CCDC85C: variants seen among roughly 807,000 people sequenced by gnomAD.
The protein encoded by CCDC85C is coiled-coil domain containing 85C.
CCDC85C carries 18 observed loss-of-function variants against 38.3 expected under a neutral mutation model. The ratio of observed to expected loss-of-function variants is 0.47; its 90% CI spans 0.33 to 0.70. The LOEUF is 0.70. CCDC85C is among the 30% of genes least tolerant of loss of function. The probability of loss-of-function intolerance (pLI) is 0.03; values close to 1 mark genes in which losing one functional copy is unlikely to be tolerated. For missense variants in CCDC85C, 566 were observed against 621.2 expected, an observed-to-expected ratio of 0.91 and a Z score of 0.94; for synonymous variants, 264 against 293.8, an observed-to-expected ratio of 0.90 and a Z score of 1.04.
At position 99,507,312 on chromosome 14, in the gene CCDC85C, T is replaced by C; in HGVS notation, c.*7934A>G. ...TGTTCTTGGGCTGGGCACAATGGCT[T>C]GTGTTTTTGATCCCAGCACTTTGGG... On this transcript the variant is annotated 3_prime_UTR_variant, in exon 6 of 6. Transcript: ENST00000380243. The C allele has an allele frequency of 1.6e-6, 1 of 643,488 alleles. No homozygotes were observed. Among genetic ancestry groups the C allele is most frequent in the Non-Finnish European group, 2.8e-6 (1 of 356,652 alleles). The allele number at this position is 643,488 out of a possible 1,614,324, so 39.9% of individuals were successfully genotyped here.
At chr14:99,543,625 G>A (rs555858492) in intron 1 of CCDC85C, among the ~76,000 whole-genome samples, 9 of 152,284 alleles carry the variant, frequency 5.9e-5, no homozygotes, top group East Asian at 1.9e-4. Context: ...TGGGGAAGAC[G>A]AAAGGCACAT....
chr14:99,595,483 G>A (rs201880304), intron 1 of CCDC85C, among the ~76,000 whole-genome samples: 2 of 152,182 alleles, frequency 1.3e-5, no homozygotes, highest in East Asian at 3.9e-4. Flanking sequence ...CTGACCTCAG[G>A]TGATCCGCCC....
rs1304647708 is a variant in CCDC85C, at chr14:99,545,717, G to T, written c.794-9629C>A. Among the ~76,000 whole-genome samples, 1 of 152,124 alleles carries T rather than the reference G, an allele frequency of 6.6e-6. No individual in the cohort carries two copies. Among genetic ancestry groups the T allele is most frequent in the South Asian group, 2.1e-4 (1 of 4,832 alleles). On this transcript the variant is annotated intron_variant, in intron 1 of 5. Transcript: ENST00000380243. This position sits in a 1 kb window ranked among gnomAD's most constrained non-coding sequence, Gnocchi z 4.7. The stretch of plus-strand genomic sequence containing the variant: ...GGGAGAGACATCTCACCACACAGCG[G>T]TCACATCACATTCAGCCTGCAGCTC...
In CCDC85C at chr14:99,603,667, C is replaced by T. The variant is rs2055236223; in HGVS notation, c.293G>A (p.Gly98Glu). 2 of 1,491,054 alleles carry T rather than the reference C, an allele frequency of 1.3e-6. No individual in the cohort carries two copies. The highest frequency in any genetic ancestry group is 2.8e-5 in the East Asian group (1 of 36,088). The allele number at this position is 1,491,054 out of a possible 1,614,324, so 92.4% of individuals were successfully genotyped here. The change falls in exon 1 of 6, where the codon GGG becomes GAG. Residue 98 changes from glycine to glutamate, a missense_variant. Physicochemically the swap from Gly to Glu is moderately conservative, Grantham distance 98. Coordinates refer to ENST00000380243, the MANE Select transcript of CCDC85C (RefSeq NM_001144995.2). This position sits in a 1 kb window ranked among gnomAD's most constrained non-coding sequence, Gnocchi z 7.5. ...CCFLDDDRQK[G>E]RKLAREWQRF... ...CTGCCACTCGCGCGCCAGCTTGCGC[C>T]CCTTCTGCCGGTCGTCGTCGAGGAA...
Position 99,603,491 on chromosome 14 carries a change from C to T in CCDC85C, c.469G>A (p.Ala157Thr). 1 of 1,310,132 alleles carries T rather than the reference C, an allele frequency of 7.6e-7. No homozygotes were observed. The highest frequency in any genetic ancestry group is 2.3e-5 in the South Asian group (1 of 43,896). 81.2% of individuals were successfully genotyped at this position (1,310,132 alleles called of 1,614,324 possible). A position where few individuals can be genotyped will look rare whatever the true frequency, so the allele number is the denominator to read the frequency against. ...LVLLLDEERA[A>T]LAATGAASGG... ...CTTGCGGCCCCCGTCGCCGCCAGTG[C>T]CGCGCGCTCCTCGTCCAGCAGCAGC... The change falls in exon 1 of 6, where the codon GCA becomes ACA. Residue 157 changes from alanine (A) to threonine (T), a missense_variant. Transcript: ENST00000380243. The surrounding 1 kb of genome is among the most constrained non-coding windows in gnomAD (Gnocchi z 7.5).
chr14:99,538,400 G>C (rs116732172), intron 1 of CCDC85C, among the ~76,000 whole-genome samples: 1 of 152,334 alleles, frequency 6.6e-6, no homozygotes, highest in South Asian at 2.1e-4. Flanking sequence ...TCTCCGCAGC[G>C]CAATCCTCAG....
chr14:99,560,588 G>C (rs1898098581), intron 1 of CCDC85C, among the ~76,000 whole-genome samples: 1 of 152,192 alleles, frequency 6.6e-6, no homozygotes, highest in African/African-American at 2.4e-5. Context: ...CACAGGGAAG[G>C]GGCTGCGCAG....
At position 99,504,522 on chromosome 14, in the gene CCDC85C, C is replaced by T. The variant is rs1896924492; in HGVS notation, c.*10724G>A. The stretch of plus-strand genomic sequence containing the variant: ...CTGGAGTGCAGCGGTGCAATCTTAA[C>T]TCACCACAACCTCCGCCTCCTGGGT... On this transcript the variant is annotated 3_prime_UTR_variant, in exon 6 of 6. Coordinates refer to ENST00000380243, the MANE Select transcript of CCDC85C (RefSeq NM_001144995.2). 1 of 148,596 alleles carries T rather than the reference C, an allele frequency of 6.7e-6. No individual in the cohort carries two copies. The highest frequency in any genetic ancestry group is 1.5e-5 in the Non-Finnish European group (1 of 67,678). 9.2% of individuals were successfully genotyped at this position (148,596 alleles called of 1,614,324 possible). A position where few individuals can be genotyped will look rare whatever the true frequency, so the allele number is the denominator to read the frequency against.
In CCDC85C at chr14:99,548,190, G is replaced by A. The variant is rs1897841887; in HGVS notation, c.794-12102C>T. 6.6e-6 allele frequency among the ~76,000 whole-genome samples: 1 copy of A among 152,012 alleles called. No individual in the cohort carries two copies. The highest frequency in any genetic ancestry group is 2.4e-5 in the African/African-American group (1 of 41,396). ...ATGTGTAAGTCCCCTCCCAGATAAA[G>A]GATCATACCCAGAATCCCTAACATC... On this transcript the variant is annotated intron_variant, in intron 1 of 5. Transcript: ENST00000380243. This position sits in a 1 kb window ranked among gnomAD's most constrained non-coding sequence, Gnocchi z 4.9.
intron 1 of CCDC85C, among the ~76,000 whole-genome samples, chr14:99,561,497 A>G (rs1898116183): frequency 6.6e-6 from 1 of 152,172 alleles, no homozygotes; most frequent in African/African-American, 2.4e-5. Context: ...GGACACCTAC[A>G]GGGCAGTCCC....
intron 1 of CCDC85C, among the ~76,000 whole-genome samples, chr14:99,540,798 C>A (rs1277524432): frequency 5.3e-5 from 8 of 152,186 alleles, no homozygotes; most frequent in Non-Finnish European, 2.9e-5. Flanking sequence ...ATCCCTTGCT[C>A]CCATGAGGAG....
intron 1 of CCDC85C, among the ~76,000 whole-genome samples, chr14:99,564,935 T>G (rs775398565): frequency 5.3e-5 from 8 of 152,154 alleles, no homozygotes; most frequent in Non-Finnish European, 1.0e-4. Flanking sequence ...CACTCGTCCA[T>G]GGAAGCTCCA....
chr14:99,579,946 G>C (rs916042428), intron 1 of CCDC85C: 2 of 417,534 alleles, frequency 4.8e-6, no homozygotes, highest in African/African-American at 4.1e-5. Flanking sequence ...CAAGACTTTG[G>C]GAGTCTTGGC....
rs1184802830 is a variant in CCDC85C at position 99,593,740 on chromosome 14, AGGGCCCATGGCT to A, written c.793+9415_793+9426del. Among the ~76,000 whole-genome samples, 5 of 152,324 alleles carry A rather than the reference AGGGCCCATGGCT, an allele frequency of 3.3e-5. No homozygotes were observed. The East Asian group carries it at 9.7e-4, about 29-fold the overall frequency. On this transcript the variant is annotated intron_variant, in intron 1 of 5. Coordinates refer to ENST00000380243, the MANE Select transcript of CCDC85C (RefSeq NM_001144995.2). ...CCTCGCCCCTAGCTGGCCTGCTGGA[AGGGCCCATGGCT>A]GTTCTCCGGGATCCTGGCTCTGGCC...
Position 99,522,170 on chromosome 14 carries a change from G to T in CCDC85C, c.938C>A (p.Ala313Glu). The T allele has an allele frequency of 6.4e-7, 1 of 1,551,068 alleles. No individual in the cohort carries two copies. The highest frequency in any genetic ancestry group is 1.2e-5 in the South Asian group (1 of 84,064). Residue 313 changes from alanine to glutamate, a missense_variant, in exon 3 of 6, where the codon GCG becomes GAG. Around this residue, in one of 3 missense-constraint regions of CCDC85C, gnomAD observed 286 missense variants for 276.4 expected, o/e 1.03. Transcript: ENST00000380243. The stretch of plus-strand genomic sequence containing the variant: ...GTCCTGGTAGGAGGGCGGCAGGGAC[G>T]CAAGCTGGGACTCCGAGTGGTAGGG... Reference protein sequence around the residue: ...FSPYHSESQLASLPPSYQDSL... With the variant: ...FSPYHSESQLESLPPSYQDSL...
Position 99,503,376 on chromosome 14 carries a change from C to G in CCDC85C, c.*11870G>C. On this transcript the variant is annotated 3_prime_UTR_variant, in exon 6 of 6. Transcript: ENST00000380243. ...AACTTAGTGTTTACTCAGAACTCAC[C>G]ATTCAGGAAAGCTAGTCATTCTGTC... is the stretch of plus-strand genomic sequence containing the variant. 1.7e-6 allele frequency: 1 copy of G among 602,112 alleles called. No individual in the cohort carries two copies. The highest frequency in any genetic ancestry group is 3.0e-6 in the Non-Finnish European group (1 of 338,120). 37.3% of individuals were successfully genotyped at this position (602,112 alleles called of 1,614,324 possible). A position where few individuals can be genotyped will look rare whatever the true frequency, so the allele number is the denominator to read the frequency against.
At position 99,515,017 on chromosome 14, in the gene CCDC85C, G is replaced by T; in HGVS notation, c.*229C>A. 1 of 488,504 alleles carries T rather than the reference G, an allele frequency of 2.0e-6. No individual in the cohort carries two copies. Among genetic ancestry groups the T allele is most frequent in the Non-Finnish European group, 3.7e-6 (1 of 268,188 alleles). 30.3% of individuals were successfully genotyped at this position (488,504 alleles called of 1,614,324 possible). A position where few individuals can be genotyped will look rare whatever the true frequency, so the allele number is the denominator to read the frequency against. ...TCCGGGCCGCTCTGCTGCAGGAACA[G>T]TCGCAGCGTCTCGTCTTCCCAGGTT... On this transcript the variant is annotated 3_prime_UTR_variant, in exon 6 of 6. Transcript: ENST00000380243.
intron 1 of CCDC85C, among the ~76,000 whole-genome samples, chr14:99,587,655 G>C (rs1012048844): frequency 1.3e-5 from 2 of 152,210 alleles, no homozygotes; most frequent in African/African-American, 4.8e-5. Context: ...GGCCTGGCGT[G>C]GGGGAGAGGC....
chr14:99,502,423 T>C lies in CCDC85C; in HGVS notation c.*12823A>G, dbSNP rs1165554824. Reference sequence around the variant, plus strand: ...CTCGTGAGGGTGTTCCATGTTGAGATGATTCTTCCATGTGTACCCTGAGTC... The same window carrying C: ...CTCGTGAGGGTGTTCCATGTTGAGACGATTCTTCCATGTGTACCCTGAGTC... On this transcript the variant is annotated 3_prime_UTR_variant, in exon 6 of 6. Transcript: ENST00000380243. 1 of 1,594,022 alleles carries C rather than the reference T, an allele frequency of 6.3e-7. No individual in the cohort carries two copies. The highest frequency in any genetic ancestry group is 1.7e-5 in the Admixed American group (1 of 57,528).
Sources: allele counts gnomAD v4.1 joint callset (sites outside exome capture counted in the v4.1 genomes callset), GRCh38; gene constraint gnomAD v4.1.1; regional missense constraint gnomAD v4.1.1; non-coding constraint Gnocchi (gnomAD v3.1); transcripts MANE v1.5; gene names NCBI Gene and HGNC (gene_info 2026-07-23, HGNC 2026-07-21).